The following USP42 variants were observed in gnomAD, a reference collection of about 807,000 sequenced individuals.
USP42 encodes ubiquitin specific peptidase 42.
Under a neutral mutation model 113.0 loss-of-function variants are expected in USP42, and 23 were observed. The ratio of observed to expected loss-of-function variants is 0.20; its 90% CI spans 0.15 to 0.29. USP42 has a LOEUF of 0.29. USP42 is among the 10% of genes least tolerant of loss of function. USP42 has a pLI of 1.00. For synonymous variants in USP42, 933 were observed against 699.0 expected, an observed-to-expected ratio of 1.33 and a Z score of -5.28; for missense variants, 2,174 against 1,779.8, an observed-to-expected ratio of 1.22 and a Z score of -3.99.
the USP42 span, among the ~76,000 whole-genome samples, chr7:6,095,384 G>C: frequency 6.6e-6 from 1 of 151,392 alleles, no homozygotes; most frequent in South Asian, 2.1e-4. Flanking sequence ...TAAATGGCCA[G>C]AGGGGCCGGG....
chr7:6,154,735 T>C lies in USP42; in HGVS notation c.3181T>C (p.Tyr1061His), dbSNP rs773094824. The part of the protein sequence containing the change: ...PDRPRWDRCR[Y>H]YHDRYALYAA... ...CAGGCCGCGCTGGGACAGGTGCCGG[T>C]ACTACCATGACAGGTACGCCCTGTA... Residue 1061 changes from tyrosine (Y) to histidine (H), a missense_variant, in exon 15 of 18, where the codon TAC becomes CAC. Coordinates refer to ENST00000306177, the MANE Select transcript of USP42 (RefSeq NM_032172.3). 93 of 1,581,328 alleles carry C rather than the reference T, an allele frequency of 5.9e-5. No individual in the cohort carries two copies. The highest frequency in any genetic ancestry group is 7.0e-5 in the Non-Finnish European group (82 of 1,165,488).
intron 1 of USP42, among the ~76,000 whole-genome samples, chr7:6,107,064 A>G (rs1779322743): frequency 6.6e-6 from 1 of 152,224 alleles, no homozygotes. Context: ...GTTTAGTTTG[A>G]TGCCTGATGG....
chr7:6,114,992 A>G (rs927000239), intron 2 of USP42, among the ~76,000 whole-genome samples: 28 of 151,956 alleles, frequency 1.8e-4, no homozygotes, highest in African/African-American at 6.3e-4. Flanking sequence ...GCCCGGCCCT[A>G]TATATATATT....
At chr7:6,121,836 A>ATT (rs1305852871) in intron 3 of USP42, among the ~76,000 whole-genome samples, 1 of 152,100 alleles carries the variant, frequency 6.6e-6, no homozygotes, top group Non-Finnish European at 1.5e-5. Context: ...TTTTTAAATT[A>ATT]TTTTTGTAGA....
Position 6,152,150 on chromosome 7 carries a change from G to C in USP42, c.2202-1606G>C, listed in dbSNP as rs935930904. Among the ~76,000 whole-genome samples, 34 of 152,362 alleles carry C rather than the reference G, an allele frequency of 2.2e-4. No homozygotes were observed. In the South Asian group the frequency reaches 5.6e-3, roughly 25 times the overall value. ...TCACCTCGCAAAGCAGCAGCAGGAC[G>C]GCCCCGTGGCGAGAGGCTGTGCAGG... On this transcript the variant is annotated intron_variant, in intron 14 of 17. Transcript: ENST00000306177.
intron 3 of USP42, among the ~76,000 whole-genome samples, chr7:6,119,561 C>G (rs114157959): frequency 2.6e-5 from 4 of 152,186 alleles, no homozygotes; most frequent in African/African-American, 9.7e-5. Context: ...TGAATTTCTA[C>G]AAATAATCTT....
intron 3 of USP42, among the ~76,000 whole-genome samples, chr7:6,126,334 G>C (rs1438251723): frequency 6.6e-6 from 1 of 150,912 alleles, no homozygotes; most frequent in Non-Finnish European, 1.5e-5. Flanking sequence ...GTCCAGGCTG[G>C]AGTGCAGTGG....
At chr7:6,125,257 G>A (rs10257654) in intron 3 of USP42, among the ~76,000 whole-genome samples, 9,652 of 151,412 alleles carry the variant, frequency 0.064, 490 homozygotes, top group African/African-American at 0.13. Context: ...GAGAGGCTGA[G>A]GCTGGAGGAT....
At chr7:6,108,200 A>G (rs1374524705) in intron 1 of USP42, among the ~76,000 whole-genome samples, 1 of 152,100 alleles carries the variant, frequency 6.6e-6, no homozygotes, top group East Asian at 1.9e-4. Flanking sequence ...ACATAACAAA[A>G]CAAACAAACA....
chr7:6,151,295 A>T (rs1782034370), intron 14 of USP42, among the ~76,000 whole-genome samples: 1 of 152,256 alleles, frequency 6.6e-6, no homozygotes, highest in African/African-American at 2.4e-5. Context: ...TGTTAAAAAA[A>T]TTGATTTCTT....
chr7:6,110,926 C>A (rs1340505391), intron 1 of USP42, among the ~76,000 whole-genome samples, 199 bp from the exon 2 acceptor site: 1 of 152,192 alleles, frequency 6.6e-6, no homozygotes, highest in Admixed American at 6.5e-5. Flanking sequence ...AGATTGTTGA[C>A]ATTCAGATTA....
In USP42 at chr7:6,111,113, C is replaced by A; in HGVS notation, c.-9-12C>A. On this transcript the variant is annotated splice_polypyrimidine_tract_variant and intron_variant, in intron 1 of 17. Coordinates refer to ENST00000306177, the MANE Select transcript of USP42 (RefSeq NM_032172.3). ...CCTGATGAAACAAATACATACTTTT[C>A]ATCTTTTGCAGAGTTGAACAATGAC... 6.2e-7 allele frequency: 1 copy of A among 1,601,140 alleles called. No individual in the cohort carries two copies. The highest frequency in any genetic ancestry group is 8.5e-7 in the Non-Finnish European group (1 of 1,170,308).
chr7:6,104,583 C>CGAAA (rs1416976872), upstream of USP42, among the ~76,000 whole-genome samples: 4 of 152,210 alleles, frequency 2.6e-5, no homozygotes, highest in African/African-American at 9.6e-5. Flanking sequence ...CAGGACGAGG[C>CGAAA]GAAAGCCCAA....
At chr7:6,108,959 C>T (rs1779442974) in intron 1 of USP42, among the ~76,000 whole-genome samples, 1 of 152,212 alleles carries the variant, frequency 6.6e-6, no homozygotes. Context: ...GCTTTCTCTA[C>T]ACCAGGTCAG....
Position 6,112,900 on chromosome 7 carries a change from C to CTTTT in USP42, c.241+1544_241+1547dup, listed in dbSNP as rs34002709. Among the ~76,000 whole-genome samples the CTTTT allele has an allele frequency of 8.9e-4, 91 of 102,722 alleles. 1 individual carries two copies. Among genetic ancestry groups the CTTTT allele is most frequent in the African/African-American group, 2.2e-3 (55 of 24,864 alleles). 67.4% of individuals were successfully genotyped at this position (102,722 alleles called of 152,430 possible). On this transcript the variant is annotated intron_variant, in intron 2 of 17. Coordinates refer to ENST00000306177, the MANE Select transcript of USP42 (RefSeq NM_032172.3). ...TGTTTTTGAGTCCTTTAGTAAGTTT[C>CTTTT]TTTTTTTTTTTTTTTTTTTTTGAGA...
chr7:6,141,024 TAA>T (rs1781399733), intron 7 of USP42, 40 bp downstream of exon 7: 1 of 1,073,972 alleles, frequency 9.3e-7, no homozygotes. Context: ...ATTTTTAAAA[TAA>T]GTCATTTTAT....
At chr7:6,136,214 G>A (rs571599064) in intron 4 of USP42, among the ~76,000 whole-genome samples, 1 of 151,970 alleles carries the variant, frequency 6.6e-6, no homozygotes, top group South Asian at 2.1e-4. Context: ...ATGTTGGTCA[G>A]GCTGGTCTCA....
upstream of USP42, among the ~76,000 whole-genome samples, chr7:6,100,411 C>G (rs895622241): frequency 2.0e-5 from 3 of 150,780 alleles, no homozygotes; most frequent in African/African-American, 7.5e-5. Flanking sequence ...CTCATTTCAA[C>G]CTCCGCCTCC....
intron 3 of USP42, among the ~76,000 whole-genome samples, chr7:6,131,118 C>T (rs1410029220): frequency 3.9e-5 from 6 of 152,096 alleles, no homozygotes; most frequent in African/African-American, 7.2e-5. Context: ...CTTGCACGAA[C>T]GCTGAGCCCT....
Sources: allele counts gnomAD v4.1 joint callset (sites outside exome capture counted in the v4.1 genomes callset), GRCh38; gene constraint gnomAD v4.1.1; transcripts MANE v1.5; gene names NCBI Gene and HGNC (gene_info 2026-07-23, HGNC 2026-07-21).